FAIM2: variants seen among roughly 807,000 people sequenced by gnomAD.
FAIM2 encodes the protein protein lifeguard 2.
A neutral mutation model predicts 47.4 loss-of-function variants in FAIM2; 27 were observed. The observed-to-expected ratio is 0.57, with a 90% CI of 0.42 to 0.78. The LOEUF is 0.78. Ranked by LOEUF, FAIM2 falls within the 30% of genes least tolerant of loss-of-function variation. FAIM2 has a pLI of 0.00. For synonymous variants in FAIM2, 156 were observed against 159.3 expected, an observed-to-expected ratio of 0.98 and a Z score of 0.16; for missense variants, 311 against 389.4, an observed-to-expected ratio of 0.80 and a Z score of 1.69.
At chr12:49,880,494 A>ATGTGTG (rs3049280) in intron 11 of FAIM2, among the ~76,000 whole-genome samples, 6 of 138,816 alleles carry the variant, frequency 4.3e-5, no homozygotes, top group Non-Finnish European at 8.0e-5. Context: ...ATGCATGTGT[A>ATGTGTG]TGTGTGTGTA....
intron 11 of FAIM2, among the ~76,000 whole-genome samples, chr12:49,879,654 A>G (rs1363383578): frequency 1.5e-5 from 2 of 137,794 alleles, no homozygotes; most frequent in Non-Finnish European, 3.2e-5. Flanking sequence ...GGGCATGTGA[A>G]TGTGTATATG....
intron 5 of FAIM2, among the ~76,000 whole-genome samples, chr12:49,895,231 G>A (rs1946927902): frequency 6.6e-6 from 1 of 152,108 alleles, no homozygotes; most frequent in Non-Finnish European, 1.5e-5. Context: ...AAGCCAGAGA[G>A]AGCATCTCTG....
chr12:49,880,561 CATGTGTGTATCT>C (rs1946812367), intron 11 of FAIM2, among the ~76,000 whole-genome samples: 5 of 8,818 alleles, frequency 5.7e-4, no homozygotes, highest in Non-Finnish European at 1.7e-4. Flanking sequence ...CGTGTGTGTG[CATGTGTGTATCT>C]GTGCATGTGT....
rs1592786738 is a variant in FAIM2 at position 49,879,751 on chromosome 12, C to A, written c.801+7635G>T. 2.3e-5 allele frequency among the ~76,000 whole-genome samples: 3 copies of A among 130,070 alleles called. No homozygotes were observed. In the South Asian group the frequency reaches 7.6e-4, roughly 33 times the overall value. 85.3% of individuals were successfully genotyped at this position (130,070 alleles called of 152,430 possible). ...GTGTGTGTCTGAGTGAATGTGTATG[C>A]ATGTATGTGTGTGCACGTGTGTATA... On this transcript the variant is annotated intron_variant, in intron 11 of 11. Coordinates refer to ENST00000320634, the MANE Select transcript of FAIM2 (RefSeq NM_012306.4).
In FAIM2 at chr12:49,897,585, TG is replaced by T; in HGVS notation, c.316-3del. Reference sequence around the variant, plus strand: ...CTGAATCAGCAGGATGGTGTAGACCTGGGGGTGGGAGGGGTTCTACTCAGCT... The same window carrying T: ...CTGAATCAGCAGGATGGTGTAGACCTGGGGTGGGAGGGGTTCTACTCAGCT... On this transcript the variant is annotated splice_region_variant and splice_polypyrimidine_tract_variant and intron_variant, in intron 3 of 11. Transcript: ENST00000320634. The T allele has an allele frequency of 3.7e-6, 6 of 1,613,066 alleles. No individual in the cohort carries two copies. The highest frequency in any genetic ancestry group is 5.1e-6 in the Non-Finnish European group (6 of 1,179,476).
chr12:49,882,403 G>A (rs541861307), intron 11 of FAIM2, among the ~76,000 whole-genome samples: 3 of 152,284 alleles, frequency 2.0e-5, no homozygotes, highest in South Asian at 2.1e-4. Context: ...GGGCCTCCGA[G>A]GGCCTTCGTC....
At chr12:49,879,922 G>A (rs1220294414) in intron 11 of FAIM2, among the ~76,000 whole-genome samples, 2 of 151,776 alleles carry the variant, frequency 1.3e-5, no homozygotes, top group South Asian at 2.1e-4. Flanking sequence ...GTGTGCATAT[G>A]TGTATGTATG....
rs559852360 is a variant in FAIM2 at position 49,879,747 on chromosome 12, T to C, written c.801+7639A>G. 2.0e-4 allele frequency among the ~76,000 whole-genome samples: 31 copies of C among 151,488 alleles called. No homozygotes were observed. The South Asian group carries it at 6.3e-3, about 31-fold the overall frequency. On this transcript the variant is annotated intron_variant, in intron 11 of 11. Transcript: ENST00000320634. The stretch of plus-strand genomic sequence containing the variant: ...GCAAGTGTGTGTCTGAGTGAATGTG[T>C]ATGCATGTATGTGTGTGCACGTGTG...
chr12:49,873,374 G>A (rs540148607), intron 11 of FAIM2, among the ~76,000 whole-genome samples: 140 of 152,182 alleles, frequency 9.2e-4, no homozygotes, highest in Non-Finnish European at 1.4e-3. Context: ...TCTCCATTCC[G>A]CTCTGCTCCT....
intron 8 of FAIM2, 97 bp downstream of exon 8, chr12:49,890,020 G>T: frequency 8.0e-7 from 1 of 1,251,036 alleles, no homozygotes; most frequent in Non-Finnish European, 1.2e-6. Flanking sequence ...CCATCCACAT[G>T]CTCCCATGTG....
At chr12:49,878,392 G>GTGTGTGCAAGTGTGTA (rs142129827) in intron 11 of FAIM2, among the ~76,000 whole-genome samples, 2 of 125,120 alleles carry the variant, frequency 1.6e-5, no homozygotes, top group African/African-American at 6.3e-5. Context: ...GTGTATATGT[G>GTGTGTGCAAGTGTGTA]TGTGTCTGTG....
chr12:49,897,664 C>T (rs575636160), intron 3 of FAIM2, 81 bp from the exon 4 acceptor site: 1 of 1,042,012 alleles, frequency 9.6e-7, no homozygotes, highest in South Asian at 1.4e-5. Flanking sequence ...GTCACCTCTC[C>T]AGGTCCCCAT....
At chr12:49,870,748 A>G in intron 11 of FAIM2, 95 bp from the exon 12 acceptor site, 1 of 1,225,610 alleles carries the variant, frequency 8.2e-7, no homozygotes, top group Non-Finnish European at 1.2e-6. Context: ...CCCCACCCCC[A>G]ATTTTATTAC....
At chr12:49,881,182 C>T (rs1165505750) in intron 11 of FAIM2, among the ~76,000 whole-genome samples, 23 of 152,150 alleles carry the variant, frequency 1.5e-4, no homozygotes, top group Admixed American at 1.5e-3. Context: ...CCTGCCCCCA[C>T]CCACCCCGGC....
chr12:49,890,667 AC>A lies in FAIM2; in HGVS notation c.525+15del. ...CCCACTCAGCGTCTGTCCTCAGCAC[AC>A]CCAGGATCACTTACAAAGACGGTCA... On this transcript the variant is annotated intron_variant, in intron 7 of 11. Transcript: ENST00000320634. The A allele has an allele frequency of 6.2e-7, 1 of 1,612,982 alleles. No individual in the cohort carries two copies. Among genetic ancestry groups the A allele is most frequent in the South Asian group, 1.1e-5 (1 of 91,046 alleles).
chr12:49,890,813 C>G, intron 6 of FAIM2, 91 bp from the exon 7 acceptor site: 1 of 1,064,474 alleles, frequency 9.4e-7, no homozygotes. Context: ...GGGTCTCTGA[C>G]CAACCCCCTC....
At chr12:49,893,616 C>T (rs1291938749) in intron 5 of FAIM2, among the ~76,000 whole-genome samples, 1 of 152,154 alleles carries the variant, frequency 6.6e-6, no homozygotes, top group African/African-American at 2.4e-5. Context: ...ACAAGAGATG[C>T]AGGAGTTGAG....
At chr12:49,898,507 C>T (rs1037762447) in intron 2 of FAIM2, among the ~76,000 whole-genome samples, 1 of 152,164 alleles carries the variant, frequency 6.6e-6, no homozygotes, top group Non-Finnish European at 1.5e-5. Flanking sequence ...CTGACCCTTG[C>T]TCATTCTTTT....
chr12:49,880,296 GTGTA>G (rs1178624526), intron 11 of FAIM2, among the ~76,000 whole-genome samples: 1 of 118,014 alleles, frequency 8.5e-6, no homozygotes, highest in East Asian at 2.6e-4. Flanking sequence ...GAGTGTATCT[GTGTA>G]TGTGCATGTG....
Sources: gnomAD v4.1 joint callset for allele counts (sites outside exome capture counted in the v4.1 genomes callset) on GRCh38, gnomAD v4.1.1 for gene constraint, MANE v1.5 for transcripts, NCBI Gene and HGNC (gene_info 2026-07-23, HGNC 2026-07-21) for gene names.